The following TAS2R1 variants were observed in gnomAD, a reference collection of about 807,000 sequenced individuals.
The protein encoded by TAS2R1 is taste receptor type 2 member 1.
For synonymous variants in TAS2R1, 141 were observed against 134.2 expected, an observed-to-expected ratio of 1.05 and a Z score of -0.35; for missense variants, 370 against 353.4, an observed-to-expected ratio of 1.05 and a Z score of -0.38.
At chr5:9,882,437 C>A in the TAS2R1 span, among the ~76,000 whole-genome samples, 2 of 152,042 alleles carry the variant, frequency 1.3e-5, no homozygotes, top group African/African-American at 4.8e-5. Context: ...ACCAGCTAGG[C>A]CAACATGGTG....
At chr5:9,840,264 G>T in the TAS2R1 span, among the ~76,000 whole-genome samples, 6 of 152,186 alleles carry the variant, frequency 3.9e-5, no homozygotes, top group Admixed American at 3.9e-4. Context: ...CCTCAAAAAA[G>T]TGTAGCTCAG....
the TAS2R1 span, among the ~76,000 whole-genome samples, chr5:9,723,387 T>C: frequency 5.3e-5 from 8 of 152,190 alleles, no homozygotes; most frequent in Non-Finnish European, 8.8e-5. Context: ...TGTCTTCACA[T>C]TGTGTTGCAT....
chr5:9,841,529 TTTTTAG>T, the TAS2R1 span, among the ~76,000 whole-genome samples: 1 of 152,198 alleles, frequency 6.6e-6, no homozygotes, highest in African/African-American at 2.4e-5. Flanking sequence ...TTTATTAAAT[TTTTTAG>T]TTTTAGAGAT....
intron 2 of TAS2R1, among the ~76,000 whole-genome samples, chr5:9,638,574 C>A (rs1009081807): frequency 1.3e-5 from 2 of 152,176 alleles, no homozygotes; most frequent in Non-Finnish European, 2.9e-5. Context: ...GGAGATGGCA[C>A]TTTCAAGAGA....
upstream of TAS2R1, among the ~76,000 whole-genome samples, chr5:9,633,487 T>C (rs539677179): frequency 1.3e-5 from 2 of 151,748 alleles, no homozygotes; most frequent in Non-Finnish European, 2.9e-5. Context: ...CTGGATCAAA[T>C]GGTAGTTCTA....
chr5:9,630,810 T>A (rs1045991897), upstream of TAS2R1, among the ~76,000 whole-genome samples: 8 of 152,214 alleles, frequency 5.3e-5, no homozygotes, highest in Non-Finnish European at 1.2e-4. Flanking sequence ...TTTTATGACA[T>A]GAGCTAGTTG....
the TAS2R1 span, among the ~76,000 whole-genome samples, chr5:9,844,756 T>G: frequency 1.2e-4 from 18 of 151,984 alleles, no homozygotes; most frequent in African/African-American, 4.1e-4. Flanking sequence ...ATAGATGAAC[T>G]TTTCTACAAA....
At chr5:9,873,190 G>A in the TAS2R1 span, among the ~76,000 whole-genome samples, 11 of 152,216 alleles carry the variant, frequency 7.2e-5, no homozygotes, top group East Asian at 5.8e-4. Context: ...AGGCCCCCAC[G>A]CTGCACTAGG....
the TAS2R1 span, among the ~76,000 whole-genome samples, chr5:9,860,944 A>G: frequency 6.8e-6 from 1 of 147,560 alleles, no homozygotes; most frequent in Non-Finnish European, 1.5e-5. Flanking sequence ...TCCTTTACCT[A>G]TTGGTCACCT....
chr5:9,732,295 T>G, the TAS2R1 span, among the ~76,000 whole-genome samples: 2 of 152,036 alleles, frequency 1.3e-5, no homozygotes, highest in Non-Finnish European at 2.9e-5. Flanking sequence ...TTGAAGGAAA[T>G]AGTGGTTGAT....
At chr5:9,744,170 AAAGGCCAGACTC>A in the TAS2R1 span, among the ~76,000 whole-genome samples, 2 of 152,132 alleles carry the variant, frequency 1.3e-5, no homozygotes, top group African/African-American at 4.8e-5. Context: ...TTGAATTTCT[AAAGGCCAGACTC>A]TGGAAAACAT....
chr5:9,723,390 T>C, the TAS2R1 span, among the ~76,000 whole-genome samples: 1 of 152,226 alleles, frequency 6.6e-6, no homozygotes, highest in Non-Finnish European at 1.5e-5. Flanking sequence ...CTTCACATTG[T>C]GTTGCATGGG....
chr5:9,728,350 A>G, the TAS2R1 span, among the ~76,000 whole-genome samples: 1 of 152,258 alleles, frequency 6.6e-6, no homozygotes, highest in Non-Finnish European at 1.5e-5. Context: ...ATTTTTAAAA[A>G]TAAGGGAACA....
chr5:9,779,988 C>A, the TAS2R1 span, among the ~76,000 whole-genome samples: 11 of 152,212 alleles, frequency 7.2e-5, no homozygotes, highest in Non-Finnish European at 1.5e-4. Context: ...GAGATGAACC[C>A]ACTTTTCTGT....
chr5:9,726,171 A>G, the TAS2R1 span, among the ~76,000 whole-genome samples: 26 of 152,134 alleles, frequency 1.7e-4, no homozygotes, highest in African/African-American at 4.3e-4. Flanking sequence ...GAACACACCA[A>G]TCAGCACTCT....
intron 1 of TAS2R1, among the ~76,000 whole-genome samples, chr5:9,705,866 C>CA (rs1331054281): frequency 2.6e-5 from 4 of 151,896 alleles, no homozygotes; most frequent in Non-Finnish European, 4.4e-5. Context: ...CCATCCCCCC[C>CA]CAAAAAAAGA....
chr5:9,675,440 T>TG (rs1361278123), intron 1 of TAS2R1, among the ~76,000 whole-genome samples: 2 of 148,688 alleles, frequency 1.3e-5, no homozygotes, highest in African/African-American at 5.0e-5. Flanking sequence ...TTTTTTGAGA[T>TG]GGAGTCTTGC....
At chr5:9,813,492 G>A in the TAS2R1 span, among the ~76,000 whole-genome samples, 1 of 152,280 alleles carries the variant, frequency 6.6e-6, no homozygotes, top group Non-Finnish European at 1.5e-5. Flanking sequence ...TATCTTGGAT[G>A]CAGAAGTGGA....
the TAS2R1 span, among the ~76,000 whole-genome samples, chr5:9,829,170 C>T: frequency 3.3e-5 from 5 of 152,322 alleles, no homozygotes; most frequent in South Asian, 2.1e-4. Context: ...AGAAAAATTA[C>T]GGCAAAGTAA....
Sources: gnomAD v4.1 joint callset for allele counts (sites outside exome capture counted in the v4.1 genomes callset) on GRCh38, gnomAD v4.1.1 for gene constraint, MANE v1.5 for transcripts, NCBI Gene and HGNC (gene_info 2026-07-23, HGNC 2026-07-21) for gene names.